The following MMP26 variants were observed in gnomAD, a reference collection of about 807,000 sequenced individuals.
MMP26 encodes matrix metallopeptidase 26, also known as matrix metalloproteinase-26.
Under a neutral mutation model 31.0 loss-of-function variants are expected in MMP26, and 33 were observed. The ratio of observed to expected loss-of-function variants is 1.06; its 90% CI spans 0.81 to 1.42. The LOEUF (loss-of-function observed/expected upper bound fraction) is 1.42. Among genes scored for constraint, MMP26 ranks in the 40% most tolerant of loss-of-function variants. The pLI is 0.00. For synonymous variants in MMP26, 122 were observed against 114.9 expected, an observed-to-expected ratio of 1.06 and a Z score of -0.40; for missense variants, 347 against 316.1, an observed-to-expected ratio of 1.10 and a Z score of -0.74.
At chr11:4,706,577 C>CAAAAA (rs71050423) in intron 1 of MMP26, among the ~76,000 whole-genome samples, 17 of 87,514 alleles carry the variant, frequency 1.9e-4, no homozygotes, top group Non-Finnish European at 3.4e-4. Context: ...GACCCTATCT[C>CAAAAA]AAAAAAAAAA....
At chr11:4,749,176 A>C (rs1170649109) in intron 1 of MMP26, among the ~76,000 whole-genome samples, 2 of 152,024 alleles carry the variant, frequency 1.3e-5, no homozygotes, top group Non-Finnish European at 2.9e-5. Context: ...CAAATTAAGA[A>C]CTCAACCTCA....
intron 2 of MMP26, among the ~76,000 whole-genome samples, chr11:4,781,597 A>G: frequency 1.6e-5 from 1 of 60,878 alleles, no homozygotes; most frequent in Admixed American, 1.6e-4. Flanking sequence ...AAAAAAAAAA[A>G]AAAAAAAAAA....
At chr11:4,806,449 T>C (rs1564914413) in intron 2 of MMP26, among the ~76,000 whole-genome samples, 1 of 152,206 alleles carries the variant, frequency 6.6e-6, no homozygotes, top group Non-Finnish European at 1.5e-5. Flanking sequence ...GCTCTTCTTG[T>C]TGAATTGATC....
intron 2 of MMP26, chr11:4,945,273 T>C (rs1846277299): frequency 6.6e-6 from 1 of 152,020 alleles, no homozygotes; most frequent in African/African-American, 2.4e-5. Context: ...TTATACAAAA[T>C]TGGAGTCAAG....
rs554854439 is a variant in MMP26 at position 4,826,150 on chromosome 11, A to G, written c.-145+58809A>G. Among the ~76,000 whole-genome samples the G allele has an allele frequency of 9.9e-5, 15 of 152,166 alleles. No homozygotes were observed. The East Asian group carries it at 1.4e-3, about 14-fold the overall frequency. ...AGGTTTTCCATAAATCTGCCCTCTGATAGTTGCAGGAAAGGCCTTCCGTAA... is the reference window on the plus strand; with the variant it reads ...AGGTTTTCCATAAATCTGCCCTCTGGTAGTTGCAGGAAAGGCCTTCCGTAA... On this transcript the variant is annotated intron_variant, in intron 2 of 7. Coordinates refer to ENST00000380390, the MANE Select transcript of MMP26 (RefSeq NM_021801.5).
intron 2 of MMP26, chr11:4,769,042 G>A (rs772966867): frequency 3.1e-5 from 48 of 1,539,994 alleles, no homozygotes; most frequent in Non-Finnish European, 3.9e-5. Context: ...CACTGTCGAT[G>A]ATGGGGTTGA....
intron 2 of MMP26, among the ~76,000 whole-genome samples, chr11:4,783,573 G>A (rs56284839): frequency 0.048 from 7,314 of 152,198 alleles, 572 homozygotes; most frequent in African/African-American, 0.17. Flanking sequence ...CTGTGGGACT[G>A]TTGGGAAGGC....
intron 2 of MMP26, among the ~76,000 whole-genome samples, chr11:4,842,424 T>C (rs1849808831): frequency 6.6e-6 from 1 of 152,206 alleles, no homozygotes; most frequent in African/African-American, 2.4e-5. Context: ...GAGGCAAGGC[T>C]GTGGAGGCCT....
chr11:4,736,103 T>C (rs1848236591), intron 1 of MMP26: 1 of 152,308 alleles, frequency 6.6e-6, no homozygotes, highest in Middle Eastern at 3.4e-3. Context: ...TTAAACACTA[T>C]GTCTTGGAGT....
At chr11:4,719,020 G>C (rs1299160047) in intron 1 of MMP26, 2 of 161,794 alleles carry the variant, frequency 1.2e-5, no homozygotes, top group Non-Finnish European at 2.7e-5. Flanking sequence ...ATATGCTTCT[G>C]TCTTAACTGA....
chr11:4,754,210 AG>A (rs1255659692), intron 1 of MMP26, among the ~76,000 whole-genome samples: 3 of 151,942 alleles, frequency 2.0e-5, no homozygotes, highest in Non-Finnish European at 4.4e-5. Context: ...AGAAACAAAA[AG>A]ATGCTAAAGC....
intron 2 of MMP26, among the ~76,000 whole-genome samples, chr11:4,870,732 A>G (rs1850299558): frequency 2.0e-5 from 3 of 152,012 alleles, no homozygotes; most frequent in Non-Finnish European, 2.9e-5. Context: ...TGAAAAGAAA[A>G]CGTTTTATTT....
At position 4,927,807 on chromosome 11, in the gene MMP26, CA is replaced by C. The variant is rs567673236; in HGVS notation, c.-144-60260del. 2.1e-3 allele frequency among the ~76,000 whole-genome samples: 316 copies of C among 152,216 alleles called. 1 individual carries two copies. The highest frequency in any genetic ancestry group is 3.3e-3 in the South Asian group (16 of 4,832). On this transcript the variant is annotated intron_variant, in intron 2 of 7. Coordinates refer to ENST00000380390, the MANE Select transcript of MMP26 (RefSeq NM_021801.5). ...GTCTGAGAATTCCCTGACGAGTTCT[CA>C]TGGCTTTTTCTGAGGACAGAGGTCA...
intron 1 of MMP26, among the ~76,000 whole-genome samples, chr11:4,729,833 A>G (rs1229690578): frequency 2.0e-5 from 3 of 151,960 alleles, no homozygotes; most frequent in Non-Finnish European, 4.4e-5. Context: ...GTGGTAAACA[A>G]TTCTCCCAAT....
intron 2 of MMP26, among the ~76,000 whole-genome samples, chr11:4,851,961 A>G (rs1057073812): frequency 2.0e-5 from 3 of 152,118 alleles, no homozygotes; most frequent in Non-Finnish European, 4.4e-5. Flanking sequence ...CAATAATCAC[A>G]AAGTGAATGG....
chr11:4,991,374 A>G lies in MMP26; in HGVS notation c.473A>G (p.His158Arg). The G allele has an allele frequency of 6.2e-7, 1 of 1,612,902 alleles. No homozygotes were observed. The highest frequency in any genetic ancestry group is 2.2e-5 in the East Asian group (1 of 44,848). Residue 158 changes from histidine (H) to arginine (R), a missense_variant, in exon 6 of 8, where the codon CAT (histidine) becomes CGT (arginine). By Grantham distance (29) the His-to-Arg change is conservative. Coordinates refer to ENST00000380390, the MANE Select transcript of MMP26 (RefSeq NM_021801.5). ...DIKVSFWQWAHEDGWPFDGPG... is the reference protein window; with the variant it reads ...DIKVSFWQWAREDGWPFDGPG... ...TCATAGCTTCTGTCGTCCACAGCCC[A>G]TGAAGATGGTTGGCCCTTTGATGGG...
chr11:4,816,513 T>TTAAAA (rs375968187), intron 2 of MMP26, among the ~76,000 whole-genome samples: 52 of 146,524 alleles, frequency 3.5e-4, no homozygotes, highest in Non-Finnish European at 3.0e-4. Context: ...GTGAGATAAT[T>TTAAAA]AAAAAAAAAA....
chr11:4,881,833 G>A lies in MMP26; in HGVS notation c.-144-106235G>A, dbSNP rs760190182. On this transcript the variant is annotated intron_variant, in intron 2 of 7. Transcript: ENST00000380390. ...TTGTATATAAAATGACTAATAAAAT[G>A]TATGCTATATATATAAAGAATCTTA... The A allele has an allele frequency of 3.0e-6, 4 of 1,323,542 alleles. No homozygotes were observed. In the South Asian group the frequency reaches 4.9e-5, roughly 16 times the overall value. The allele number at this position is 1,323,542 out of a possible 1,614,324, so 82.0% of individuals were successfully genotyped here.
chr11:4,807,032 C>T (rs1283109480), intron 2 of MMP26, among the ~76,000 whole-genome samples: 3 of 152,000 alleles, frequency 2.0e-5, no homozygotes, highest in Non-Finnish European at 4.4e-5. Flanking sequence ...GGGTGCTGGC[C>T]AAATCCCGGA....
Sources: gnomAD v4.1 joint callset for allele counts (sites outside exome capture counted in the v4.1 genomes callset) on GRCh38, gnomAD v4.1.1 for gene constraint, MANE v1.5 for transcripts, NCBI Gene and HGNC (gene_info 2026-07-23, HGNC 2026-07-21) for gene names.